Variants in GOSR1 observed in about 807,000 individuals in gnomAD.
The protein encoded by GOSR1 is 28 kDa Golgi SNARE protein.
A neutral mutation model predicts 35.5 loss-of-function variants in GOSR1; 21 were observed. The observed-to-expected ratio is 0.59, with a 90% CI of 0.42 to 0.85. The LOEUF (loss-of-function observed/expected upper bound fraction) is 0.85, where lower values mean the gene tolerates loss of function less well. Among genes scored for constraint, GOSR1 ranks in the 40% least tolerant of loss-of-function variants. The probability of loss-of-function intolerance (pLI) is 0.00; values close to 1 mark genes in which losing one functional copy is unlikely to be tolerated. For missense variants in GOSR1, 285 were observed against 309.6 expected, an observed-to-expected ratio of 0.92 and a Z score of 0.60; for synonymous variants, 94 against 106.6, an observed-to-expected ratio of 0.88 and a Z score of 0.73.
chr17:30,498,665 T>C (rs1339584114), intron 6 of GOSR1, among the ~76,000 whole-genome samples: 3 of 152,156 alleles, frequency 2.0e-5, no homozygotes, highest in Non-Finnish European at 4.4e-5. Context: ...TCATTCCTCA[T>C]ACATTATTAA....
intron 2 of GOSR1, chr17:30,482,862 G>T (rs1484419738): frequency 1.3e-5 from 2 of 152,208 alleles, no homozygotes; most frequent in African/African-American, 4.8e-5. Flanking sequence ...TATGTTCTGT[G>T]TGCTTCATGA....
In GOSR1 at chr17:30,498,813, G is replaced by A. The variant is rs1967095618; in HGVS notation, c.509+6060G>A. 2.0e-5 allele frequency among the ~76,000 whole-genome samples: 3 copies of A among 152,178 alleles called. 1 individual carries two copies. The South Asian group carries it at 6.2e-4, about 32-fold the overall frequency. ...TGGGGGGGCTCTGAGTGTCACCGGG[G>A]TCAGCCGAGGCTGCCATTCTTTTTC... On this transcript the variant is annotated intron_variant, in intron 6 of 8. Coordinates refer to ENST00000451249, the MANE Select transcript of GOSR1 (RefSeq NM_001007025.2).
intron 1 of GOSR1, among the ~76,000 whole-genome samples, chr17:30,480,330 A>AT (rs2143585655): frequency 6.6e-6 from 1 of 152,256 alleles, no homozygotes; most frequent in Non-Finnish European, 1.5e-5. Flanking sequence ...AGAAAAAAAA[A>AT]GGTAAGTCAT....
rs118145807 is a variant in GOSR1 at position 30,501,407 on chromosome 17, A to G, written c.509+8654A>G. Among the ~76,000 whole-genome samples, 346 of 152,318 alleles carry G rather than the reference A, an allele frequency of 2.3e-3. 3 individuals are homozygous for G. Among genetic ancestry groups the G allele is most frequent in the South Asian group, 0.022 (105 of 4,826 alleles). On this transcript the variant is annotated intron_variant, in intron 6 of 8. Coordinates refer to ENST00000451249, the MANE Select transcript of GOSR1 (RefSeq NM_001007025.2). ...CAACATTAGAAGGAACACTGAAGGAAGTGGAGTAACAGGAACTCTCACTCA... is the reference window on the plus strand; with the variant it reads ...CAACATTAGAAGGAACACTGAAGGAGGTGGAGTAACAGGAACTCTCACTCA...
At chr17:30,493,914 G>A (rs1418090125) in intron 6 of GOSR1, among the ~76,000 whole-genome samples, 2 of 152,128 alleles carry the variant, frequency 1.3e-5, no homozygotes, top group Non-Finnish European at 2.9e-5. Flanking sequence ...AAGCCTTTGT[G>A]TGTATCCGTC....
chr17:30,491,976 C>G (rs1433146788), intron 5 of GOSR1, among the ~76,000 whole-genome samples: 1 of 151,942 alleles, frequency 6.6e-6, no homozygotes, highest in Non-Finnish European at 1.5e-5. Flanking sequence ...GTAGCACTGC[C>G]TTTCAGCCAG....
intron 4 of GOSR1, among the ~76,000 whole-genome samples, chr17:30,488,074 C>G (rs1455240627): frequency 6.7e-6 from 1 of 148,752 alleles, no homozygotes; most frequent in Non-Finnish European, 1.5e-5. Context: ...GTACCCAGCC[C>G]TGATCCAATT....
In GOSR1 at chr17:30,524,644, C is replaced by T. The variant is rs1968154587; in HGVS notation, c.*2266C>T. The stretch of plus-strand genomic sequence containing the variant: ...AATCACCAGTGTCTGTCAGTGCCCC[C>T]ACTGCTCCTCCTCATACCAGCATTG... On this transcript the variant is annotated 3_prime_UTR_variant, in exon 9 of 9. Coordinates refer to ENST00000451249, the MANE Select transcript of GOSR1 (RefSeq NM_001007025.2). 6.6e-6 allele frequency: 1 copy of T among 152,142 alleles called. No homozygotes were observed. The highest frequency in any genetic ancestry group is 1.5e-5 in the Non-Finnish European group (1 of 68,034). The allele number at this position is 152,142 out of a possible 1,614,324, so 9.4% of individuals were successfully genotyped here.
At chr17:30,505,410 A>T (rs537232660) in intron 6 of GOSR1, among the ~76,000 whole-genome samples, 2 of 152,296 alleles carry the variant, frequency 1.3e-5, no homozygotes, top group South Asian at 2.1e-4. Flanking sequence ...CAAAGAAAAA[A>T]AATAATAATA....
Position 30,522,257 on chromosome 17 carries a change from GT to G in GOSR1, c.630del (p.Pro211LeufsTer3). 1 of 1,598,938 alleles carries G rather than the reference GT, an allele frequency of 6.3e-7. No individual in the cohort carries two copies. Among genetic ancestry groups the G allele is most frequent in the Non-Finnish European group, 8.5e-7 (1 of 1,174,246 alleles). ...IHSKMNTLAN[R>X]FPAVNSLIQR... ...CCTTAATAAAGATTTCCCAAAGATC[GT>G]TTTCCTGCTGTAAACAGCCTGATCC... On this transcript the variant is annotated frameshift_variant, in exon 9 of 9. Transcript: ENST00000451249. LOFTEE classifies it high-confidence loss of function.
rs1226438190 is a variant in GOSR1 at position 30,525,506 on chromosome 17, T to A, written c.*3128T>A. 1 of 152,206 alleles carries A rather than the reference T, an allele frequency of 6.6e-6. No homozygotes were observed. Among genetic ancestry groups the A allele is most frequent in the East Asian group, 1.9e-4 (1 of 5,200 alleles). The allele number at this position is 152,206 out of a possible 1,614,324, so 9.4% of individuals were successfully genotyped here. The stretch of plus-strand genomic sequence containing the variant: ...AAAACTTTTCTCCCTTGACACTTTA[T>A]TATCTTTGATTTTTCAAAGGGCCTT... On this transcript the variant is annotated 3_prime_UTR_variant, in exon 9 of 9. Transcript: ENST00000451249.
chr17:30,478,515 G>A (rs1165751832), intron 1 of GOSR1: 1 of 150,280 alleles, frequency 6.7e-6, no homozygotes, highest in African/African-American at 2.4e-5. Flanking sequence ...TTTAAAACAT[G>A]TATTACAATG....
chr17:30,494,688 C>A (rs1345840095), intron 6 of GOSR1, among the ~76,000 whole-genome samples: 1 of 151,506 alleles, frequency 6.6e-6, no homozygotes, highest in Non-Finnish European at 1.5e-5. Context: ...GCTCACTGTG[C>A]CCTCTGCCTC....
intron 6 of GOSR1, among the ~76,000 whole-genome samples, chr17:30,500,056 C>T (rs941698798): frequency 1.3e-5 from 2 of 151,968 alleles, no homozygotes; most frequent in African/African-American, 4.8e-5. Context: ...TATAAGGGTT[C>T]TTTGTGTACT....
At chr17:30,480,866 C>T (rs1914295081) in intron 1 of GOSR1, 1 of 256,078 alleles carries the variant, frequency 3.9e-6, no homozygotes, top group Non-Finnish European at 7.9e-6. Flanking sequence ...GCGTGCGCCA[C>T]CACACCTGGC....
At chr17:30,514,115 A>G (rs1177549337) in intron 7 of GOSR1, among the ~76,000 whole-genome samples, 1 of 152,220 alleles carries the variant, frequency 6.6e-6, no homozygotes, top group South Asian at 2.1e-4. Flanking sequence ...CTGAAAAATT[A>G]TGAATAAGAA....
At chr17:30,496,179 A>AG (rs923774485) in intron 6 of GOSR1, among the ~76,000 whole-genome samples, 1 of 152,092 alleles carries the variant, frequency 6.6e-6, no homozygotes, top group Non-Finnish European at 1.5e-5. Flanking sequence ...CGTGCATTGG[A>AG]CACTTGTCTC....
In GOSR1 at chr17:30,523,328, A is replaced by C. The variant is rs1968109189; in HGVS notation, c.*950A>C. Reference sequence around the variant, plus strand: ...CCGCCGCCCCGTCTGGGATGTGAGGAGCTCCTCTGCCCGGCCGCGACCCCG... The same window carrying C: ...CCGCCGCCCCGTCTGGGATGTGAGGCGCTCCTCTGCCCGGCCGCGACCCCG... On this transcript the variant is annotated 3_prime_UTR_variant, in exon 9 of 9. Coordinates refer to ENST00000451249, the MANE Select transcript of GOSR1 (RefSeq NM_001007025.2). 5.7e-6 allele frequency: 1 copy of C among 174,842 alleles called. No individual in the cohort carries two copies. The highest frequency in any genetic ancestry group is 1.8e-4 in the East Asian group (1 of 5,548). 10.8% of individuals were successfully genotyped at this position (174,842 alleles called of 1,614,324 possible). A position where few individuals can be genotyped will look rare whatever the true frequency, so the allele number is the denominator to read the frequency against.
At chr17:30,487,769 T>A (rs1914769266) in intron 4 of GOSR1, among the ~76,000 whole-genome samples, 2 of 152,172 alleles carry the variant, frequency 1.3e-5, no homozygotes, top group Admixed American at 6.5e-5. Context: ...ATCCAGTTAT[T>A]CTTTTTTTTT....
Sources: allele counts gnomAD v4.1 joint callset (sites outside exome capture counted in the v4.1 genomes callset), GRCh38; gene constraint gnomAD v4.1.1; transcripts MANE v1.5; gene names NCBI Gene and HGNC (gene_info 2026-07-23, HGNC 2026-07-21).